The following PHF1 variants were observed in gnomAD, a reference collection of about 807,000 sequenced individuals.
PHF1 encodes the protein PHD finger protein 1.
PHF1 carries 16 observed loss-of-function variants against 69.4 expected under a neutral mutation model. The observed-to-expected ratio is 0.23, with a 90% CI of 0.16 to 0.35. The LOEUF is 0.35. Ranked by LOEUF, PHF1 falls within the 10% of genes least tolerant of loss-of-function variation. The pLI is 1.00. For synonymous variants in PHF1, 274 were observed against 275.0 expected, an observed-to-expected ratio of 1.00 and a Z score of 0.04; for missense variants, 515 against 732.8, an observed-to-expected ratio of 0.70 and a Z score of 3.43.
chr6:33,410,893 G>A (rs1319595331), upstream of PHF1: 1 of 151,972 alleles, frequency 6.6e-6, no homozygotes, highest in Non-Finnish European at 1.5e-5. Context: ...TGGAGGTGAG[G>A]GAGGTGGGGT....
rs543070138 is a variant in PHF1, at chr6:33,412,416, C to A, written c.153C>A (p.Ile51=). The A allele has an allele frequency of 6.2e-7, 1 of 1,614,192 alleles. No homozygotes were observed. The highest frequency in any genetic ancestry group is 8.5e-7 in the Non-Finnish European group (1 of 1,180,020). ...ATGGGCTGCTATACTTGGGTACCAT[C>A]AAAAAGGTAAGACCTTCTACCTCTG... The part of the protein sequence containing the change: ...WTDGLLYLGT[I]KKVDSAREVC... The change falls in exon 2 of 15, where the codon ATC becomes ATA. Residue 51 remains isoleucine (I), a synonymous_variant. Transcript: ENST00000374516. This position sits in a 1 kb window ranked among gnomAD's most constrained non-coding sequence, Gnocchi z 4.2.
In PHF1 at chr6:33,413,123, G is replaced by T. The variant is rs1237318235; in HGVS notation, c.338-73G>T. Reference sequence around the variant, plus strand: ...CCATGGTCAGGGATTAAATGAGATGGGTAAAGACTATTCCTGTCCCAATAC... The same window carrying T: ...CCATGGTCAGGGATTAAATGAGATGTGTAAAGACTATTCCTGTCCCAATAC... On this transcript the variant is annotated intron_variant, in intron 4 of 14. Transcript: ENST00000374516. 13 of 1,260,038 alleles carry T rather than the reference G, an allele frequency of 1.0e-5. No individual in the cohort carries two copies. In the East Asian group the frequency reaches 2.8e-4, roughly 27 times the overall value. 78.1% of individuals were successfully genotyped at this position (1,260,038 alleles called of 1,614,324 possible). A position where few individuals can be genotyped will look rare whatever the true frequency, so the allele number is the denominator to read the frequency against.
Position 33,414,171 on chromosome 6 carries a change from C to T in PHF1, c.752+62C>T. 4 of 1,613,724 alleles carry T rather than the reference C, an allele frequency of 2.5e-6. No homozygotes were observed. The highest frequency in any genetic ancestry group is 3.4e-6 in the Non-Finnish European group (4 of 1,179,694). ...CACCACAGTATTTCACTCTATATGC[C>T]CCAACCTCCCACCTCAGGACTCCCC... On this transcript the variant is annotated intron_variant, in intron 8 of 14. Coordinates refer to ENST00000374516, the MANE Select transcript of PHF1 (RefSeq NM_024165.3). This position sits in a 1 kb window ranked among gnomAD's most constrained non-coding sequence, Gnocchi z 5.0.
At chr6:33,415,767 T>G (rs1776427838) in intron 14 of PHF1, 43 bp from the exon 15 acceptor site, 1 of 1,598,910 alleles carries the variant, frequency 6.3e-7, no homozygotes, top group Non-Finnish European at 8.6e-7. Context: ...TCACATGTGC[T>G]CTCCATTTCT....
intron 5 of PHF1, 43 bp from the exon 6 acceptor site, chr6:33,413,366 C>G: frequency 6.2e-7 from 1 of 1,612,446 alleles, no homozygotes. Flanking sequence ...GCCTTTTCCT[C>G]TCCCCACCCC....
intron 1 of PHF1, among the ~76,000 whole-genome samples, chr6:33,411,805 T>C (rs1562849701): frequency 1.3e-5 from 2 of 151,916 alleles, no homozygotes; most frequent in Non-Finnish European, 1.5e-5. Context: ...CCTATCAAGG[T>C]GTCTCAGGGA....
chr6:33,413,526 C>A lies in PHF1; in HGVS notation c.556C>A (p.Gln186Lys), dbSNP rs1295528897. 6.2e-7 allele frequency: 1 copy of A among 1,614,166 alleles called. No individual in the cohort carries two copies. Among genetic ancestry groups the A allele is most frequent in the Admixed American group, 1.7e-5 (1 of 60,014 alleles). Residue 186 changes from glutamine to lysine, a missense_variant, in exon 6 of 15, where the codon CAG becomes AAG. Gln to Lys is a moderately conservative substitution (Grantham distance 53). This residue lies in a region of PHF1 where 142 missense variants were observed against 309.7 expected (regional missense o/e 0.46). Coordinates refer to ENST00000374516, the MANE Select transcript of PHF1 (RefSeq NM_024165.3). The part of the protein sequence containing the change: ...WDAGHLSNRQ[Q>K]SYCYCGGPGE... ...TGCTGGACATCTGAGCAACCGACAGCAGAGTTACTGTTACTGTGGTGGCCC... is the reference window on the plus strand; with the variant it reads ...TGCTGGACATCTGAGCAACCGACAGAAGAGTTACTGTTACTGTGGTGGCCC...
chr6:33,412,183 AAAAG>A lies in PHF1; in HGVS notation c.-16-61_-16-58del, dbSNP rs1005920327. 5.3e-5 allele frequency: 64 copies of A among 1,215,758 alleles called. No homozygotes were observed. Among genetic ancestry groups the A allele is most frequent in the Non-Finnish European group, 6.4e-5 (55 of 862,940 alleles). The allele number at this position is 1,215,758 out of a possible 1,614,324, so 75.3% of individuals were successfully genotyped here. On this transcript the variant is annotated intron_variant, in intron 1 of 14. Coordinates refer to ENST00000374516, the MANE Select transcript of PHF1 (RefSeq NM_024165.3). This position sits in a 1 kb window ranked among gnomAD's most constrained non-coding sequence, Gnocchi z 4.2. ...TCTCAGGAAAAAAAAAAAAAAAAGA[AAAAG>A]AAAATGGGGAAGGTTTCTCAGCATT...
Position 33,412,912 on chromosome 6 carries a change from C to T in PHF1, c.337+119C>T, listed in dbSNP as rs1776184593. ...CTCTGGCCAGGCTGCTTAGCCTTAT[C>T]TTAGTCCTCATCCGCTTTCAGCCCA... On this transcript the variant is annotated intron_variant, in intron 4 of 14. Transcript: ENST00000374516. This position sits in a 1 kb window ranked among gnomAD's most constrained non-coding sequence, Gnocchi z 4.2. 1 of 865,084 alleles carries T rather than the reference C, an allele frequency of 1.2e-6. No homozygotes were observed. The highest frequency in any genetic ancestry group is 1.9e-6 in the Non-Finnish European group (1 of 528,318). 53.6% of individuals were successfully genotyped at this position (865,084 alleles called of 1,614,324 possible).
Position 33,415,934 on chromosome 6 carries a change from C to T in PHF1, c.1540C>T (p.Pro514Ser), listed in dbSNP as rs757060044. The change falls in exon 15 of 15, where the codon CCT (proline) becomes TCT (serine). Residue 514 changes from proline to serine, a missense_variant. Pro to Ser is a moderately conservative substitution (Grantham distance 74). Coordinates refer to ENST00000374516, the MANE Select transcript of PHF1 (RefSeq NM_024165.3). ...SPGLPRRSAP[P>S]SPLCRSLSPG... ...AGGTCTTCCTAGACGCTCAGCACCC[C>T]CTTCTCCCCTGTGCCGTAGTTTGTC... 1.9e-6 allele frequency: 3 copies of T among 1,614,138 alleles called. No homozygotes were observed. Among genetic ancestry groups the T allele is most frequent in the Non-Finnish European group, 2.5e-6 (3 of 1,179,990 alleles).
chr6:33,415,322 C>T lies in PHF1; in HGVS notation c.1327C>T (p.Leu443=), dbSNP rs757704342. Residue 443 remains leucine (L), a synonymous_variant, in exon 13 of 15, where the codon CTG becomes TTG. Transcript: ENST00000374516. ...YNFRPTDARC[L]PSSPIRMFAS... ...CTTCCGGCCCACAGATGCCCGCTGC[C>T]TGCCCAGGTCAGTGCTCCTCTGCCC... is the stretch of plus-strand genomic sequence containing the variant. 2.2e-5 allele frequency: 35 copies of T among 1,612,244 alleles called. No individual in the cohort carries two copies. Among genetic ancestry groups the T allele is most frequent in the Non-Finnish European group, 1.4e-5 (16 of 1,179,224 alleles).
rs747879466 is a variant in PHF1, at chr6:33,414,881, G to A, written c.1049+52G>A. ...AATTCTCAGGGTGTTAGTCCTGGGG[G>A]GTATATGTATAGAGATGGGGAGGTC... On this transcript the variant is annotated intron_variant, in intron 11 of 14. Transcript: ENST00000374516. The surrounding 1 kb of genome is among the most constrained non-coding windows in gnomAD (Gnocchi z 5.0). 2.5e-6 allele frequency: 4 copies of A among 1,574,512 alleles called. No individual in the cohort carries two copies. Among genetic ancestry groups the A allele is most frequent in the Non-Finnish European group, 2.6e-6 (3 of 1,154,392 alleles).
upstream of PHF1, chr6:33,410,745 G>C (rs1048354738): frequency 1.3e-5 from 2 of 151,464 alleles, no homozygotes; most frequent in African/African-American, 4.9e-5. Flanking sequence ...CTGCCGGGAG[G>C]GGGGATTCCC....
At position 33,412,622 on chromosome 6, in the gene PHF1, C is replaced by T. The variant is rs752897237; in HGVS notation, c.241+33C>T. The T allele has an allele frequency of 2.5e-6, 4 of 1,612,576 alleles. No individual in the cohort carries two copies. Among genetic ancestry groups the T allele is most frequent in the Non-Finnish European group, 3.4e-6 (4 of 1,178,576 alleles). On this transcript the variant is annotated intron_variant, in intron 3 of 14. Transcript: ENST00000374516. The surrounding 1 kb of genome is among the most constrained non-coding windows in gnomAD (Gnocchi z 4.2). Reference sequence around the variant, plus strand: ...TCTAGAGACCTGAGATTGCACATCCCATGGAAAACAAACCTGGCCTAGAGG... The same window carrying T: ...TCTAGAGACCTGAGATTGCACATCCTATGGAAAACAAACCTGGCCTAGAGG...
upstream of PHF1, chr6:33,410,694 A>G (rs1468150947): frequency 1.1e-5 from 1 of 89,124 alleles, no homozygotes; most frequent in East Asian, 4.1e-4. Flanking sequence ...TGGGGCAGCT[A>G]ACGGATGTGG....
chr6:33,415,736 C>T (rs1776424313), intron 14 of PHF1, 66 bp downstream of exon 14: 3 of 1,605,114 alleles, frequency 1.9e-6, no homozygotes, highest in African/African-American at 1.3e-5. Flanking sequence ...GGCTCTTAGT[C>T]TCTAACACTG....
intron 1 of PHF1, among the ~76,000 whole-genome samples, 158 bp downstream of exon 1, chr6:33,411,373 G>T (rs1414047677): frequency 1.3e-5 from 2 of 152,136 alleles, no homozygotes; most frequent in Non-Finnish European, 2.9e-5. Context: ...ACCGGGACTG[G>T]GACACGCCCC....
chr6:33,416,319 T>C lies in PHF1; in HGVS notation c.*221T>C. On this transcript the variant is annotated 3_prime_UTR_variant, in exon 15 of 15. Coordinates refer to ENST00000374516, the MANE Select transcript of PHF1 (RefSeq NM_024165.3). ...ATCCTTCCCATTTCCTTTGATGTTA[T>C]TTTGTTACAGCTTTTTAAATATTTT... is the stretch of plus-strand genomic sequence containing the variant. The C allele has an allele frequency of 4.2e-6, 2 of 479,696 alleles. No homozygotes were observed. The highest frequency in any genetic ancestry group is 4.7e-5 in the South Asian group (1 of 21,430). The allele number at this position is 479,696 out of a possible 1,614,324, so 29.7% of individuals were successfully genotyped here. A position where few individuals can be genotyped will look rare whatever the true frequency, so the allele number is the denominator to read the frequency against.
chr6:33,414,843 G>C lies in PHF1; in HGVS notation c.1049+14G>C, dbSNP rs371283742. The C allele has an allele frequency of 1.2e-5, 19 of 1,607,036 alleles. No homozygotes were observed. The highest frequency in any genetic ancestry group is 1.0e-4 in the Admixed American group (6 of 59,410). On this transcript the variant is annotated intron_variant, in intron 11 of 14. Transcript: ENST00000374516. The surrounding 1 kb of genome is among the most constrained non-coding windows in gnomAD (Gnocchi z 5.0). ...AGCACTCACCAGGTCACTGGTCCAG[G>C]GGGGATGGGGGAAATTCTCAGGGTG...
Sources: allele counts gnomAD v4.1 joint callset (sites outside exome capture counted in the v4.1 genomes callset), GRCh38; gene constraint gnomAD v4.1.1; regional missense constraint gnomAD v4.1.1; non-coding constraint Gnocchi (gnomAD v3.1); transcripts MANE v1.5; gene names NCBI Gene and HGNC (gene_info 2026-07-23, HGNC 2026-07-21).